RBMS3: variants seen among roughly 807,000 people sequenced by gnomAD.
RBMS3 encodes RNA-binding motif, single-stranded-interacting protein 3.
RBMS3 carries 27 observed loss-of-function variants against 66.8 expected under a neutral mutation model. The ratio of observed to expected loss-of-function variants is 0.40; its 90% confidence interval spans 0.30 to 0.56. The LOEUF is 0.56. Ranked by LOEUF, RBMS3 falls within the 20% of genes least tolerant of loss-of-function variation. RBMS3 has a pLI of 0.40. For missense variants in RBMS3, 513 were observed against 549.5 expected (o/e 0.93, Z 0.66); for synonymous variants, 188 against 183.0 (o/e 1.03, Z -0.22).
intron 12 of RBMS3, among the ~76,000 whole-genome samples, chr3:29,971,216 C>T (rs1487754500): frequency 6.6e-6 from 1 of 152,138 alleles, no homozygotes. Flanking sequence ...CTCCTCAAAA[C>T]TACATTATTT....
chr3:29,313,593 A>C (rs2125472355), intron 1 of RBMS3, among the ~76,000 whole-genome samples: 1 of 151,738 alleles, frequency 6.6e-6, no homozygotes, highest in South Asian at 2.1e-4. Flanking sequence ...CTGCCCCTTA[A>C]GTTTTCCAGT....
chr3:29,396,412 T>C (rs78916133), intron 1 of RBMS3, among the ~76,000 whole-genome samples: 2,714 of 152,228 alleles, frequency 0.018, 74 homozygotes, highest in African/African-American at 0.062. Flanking sequence ...GAAAATGCTA[T>C]TATTATTATG....
intron 10 of RBMS3, among the ~76,000 whole-genome samples, chr3:29,909,103 G>C (rs1474555963): frequency 6.6e-6 from 1 of 152,036 alleles, no homozygotes; most frequent in African/African-American, 2.4e-5. Context: ...GGGACTACGG[G>C]GGGAGCAAAT....
At chr3:29,954,090 A>C (rs1695868070) in intron 12 of RBMS3, among the ~76,000 whole-genome samples, 1 of 151,444 alleles carries the variant, frequency 6.6e-6, no homozygotes, top group Admixed American at 6.6e-5. Context: ...TTCAATGATG[A>C]TTTTTCCTAT....
chr3:29,445,805 T>C (rs1401149827), intron 2 of RBMS3, among the ~76,000 whole-genome samples: 5 of 152,166 alleles, frequency 3.3e-5, no homozygotes, highest in African/African-American at 7.2e-5. Context: ...TCTGTTGTCA[T>C]ATTCGTTATA....
At chr3:29,700,853 T>G (rs953634065) in intron 4 of RBMS3, among the ~76,000 whole-genome samples, 60 of 32,638 alleles carry the variant, frequency 1.8e-3, no homozygotes, top group South Asian at 3.0e-3. Context: ...CGAGGGAGAT[T>G]ATAAGCATGT....
In RBMS3 at chr3:29,512,781, T is replaced by C. The variant is rs190662394; in HGVS notation, c.307+24282T>C. 7.9e-4 allele frequency among the ~76,000 whole-genome samples: 120 copies of C among 152,336 alleles called. No individual in the cohort carries two copies. The Middle Eastern group carries it at 0.014, about 17-fold the overall frequency. On this transcript the variant is annotated intron_variant, in intron 3 of 14. Coordinates refer to ENST00000383767, the MANE Select transcript of RBMS3 (RefSeq NM_001003793.3). ...AAATTCTGTGGCATGTGAACAATAC[T>C]GTGTGCACTGGGCTTCCAACCTTGG... is the stretch of plus-strand genomic sequence containing the variant.
intron 3 of RBMS3, among the ~76,000 whole-genome samples, chr3:29,517,608 C>G (rs772191608): frequency 2.0e-5 from 3 of 152,174 alleles, no homozygotes; most frequent in Non-Finnish European, 4.4e-5. Flanking sequence ...CAGGCGTGAG[C>G]CACCGCGCCC....
At chr3:29,404,014 A>G (rs1289775137) in intron 1 of RBMS3, among the ~76,000 whole-genome samples, 1 of 152,086 alleles carries the variant, frequency 6.6e-6, no homozygotes, top group Non-Finnish European at 1.5e-5. Context: ...TGAGAACATG[A>G]ATATTCTGTA....
intron 6 of RBMS3, among the ~76,000 whole-genome samples, chr3:29,846,276 G>T (rs975280757): frequency 6.6e-6 from 1 of 152,056 alleles, no homozygotes; most frequent in African/African-American, 2.4e-5. Flanking sequence ...TTGGTGGGGG[G>T]ATATGGATAG....
intron 6 of RBMS3, among the ~76,000 whole-genome samples, chr3:29,779,684 C>A: frequency 1.1e-5 from 1 of 94,418 alleles, no homozygotes; most frequent in Non-Finnish European, 2.6e-5. Flanking sequence ...AAAATAATCT[C>A]AGCAATCCTA....
chr3:29,686,401 A>G (rs2051736077), intron 4 of RBMS3, among the ~76,000 whole-genome samples: 1 of 152,200 alleles, frequency 6.6e-6, no homozygotes, highest in Non-Finnish European at 1.5e-5. Flanking sequence ...AACAAAAAAT[A>G]GGCCGGGCAT....
intron 1 of RBMS3, among the ~76,000 whole-genome samples, chr3:29,348,799 G>C (rs1306155368): frequency 6.6e-6 from 1 of 152,152 alleles, no homozygotes; most frequent in South Asian, 2.1e-4. Flanking sequence ...TCCGAAATTA[G>C]AATGTGCAGC....
chr3:29,676,217 C>T (rs1433312086), intron 4 of RBMS3, among the ~76,000 whole-genome samples: 5 of 151,996 alleles, frequency 3.3e-5, no homozygotes, highest in Non-Finnish European at 2.9e-5. Flanking sequence ...TAGGTGGGAA[C>T]TGAACAATGA....
intron 6 of RBMS3, among the ~76,000 whole-genome samples, chr3:29,824,628 A>G (rs2058158761): frequency 6.6e-6 from 1 of 152,198 alleles, no homozygotes; most frequent in African/African-American, 2.4e-5. Flanking sequence ...CAGCAATTGC[A>G]GCATTAGAAA....
chr3:29,320,259 A>G (rs1306214599), intron 1 of RBMS3, among the ~76,000 whole-genome samples: 3 of 152,064 alleles, frequency 2.0e-5, no homozygotes, highest in Admixed American at 2.0e-4. Flanking sequence ...CGGAGGTTCT[A>G]CAAAATAGGA....
intron 10 of RBMS3, among the ~76,000 whole-genome samples, chr3:29,920,369 T>C (rs1265223894): frequency 6.6e-6 from 1 of 152,226 alleles, no homozygotes; most frequent in Admixed American, 6.5e-5. Context: ...ATTACTGTTC[T>C]TCACAATGTA....
chr3:29,837,635 T>C (rs1024912785), intron 6 of RBMS3, among the ~76,000 whole-genome samples: 4 of 139,138 alleles, frequency 2.9e-5, no homozygotes, highest in Non-Finnish European at 6.2e-5. Context: ...TTAGCAGATA[T>C]ATATAATGAA....
At chr3:30,003,760 G>T in intron 14 of RBMS3, 96 bp from the exon 15 acceptor site, 1 of 809,318 alleles carries the variant, frequency 1.2e-6, no homozygotes. Context: ...TTGAAAGCTT[G>T]GTATCTTTTA....
Sources: allele counts gnomAD v4.1 joint callset (sites outside exome capture counted in the v4.1 genomes callset), GRCh38; gene constraint gnomAD v4.1.1; transcripts MANE v1.5; gene names NCBI Gene and HGNC (gene_info 2026-07-23, HGNC 2026-07-21).